CADPS2: variants seen among roughly 807,000 people sequenced by gnomAD.
CADPS2 encodes the protein calcium dependent secretion activator 2.
Under a neutral mutation model 172.5 loss-of-function variants are expected in CADPS2, and 93 were observed. The observed-to-expected ratio is 0.54, with a 90% CI of 0.46 to 0.64. The LOEUF (loss-of-function observed/expected upper bound fraction) is 0.64. Ranked by LOEUF, CADPS2 falls within the 30% of genes least tolerant of loss-of-function variation. CADPS2 has a pLI of 0.00. For synonymous variants in CADPS2, 546 were observed against 555.2 expected (o/e 0.98, Z 0.23); for missense variants, 1,420 against 1,565.9 (o/e 0.91, Z 1.57).
At chr7:122,375,506 T>C (rs554635455) in intron 25 of CADPS2, among the ~76,000 whole-genome samples, 1 of 152,200 alleles carries the variant, frequency 6.6e-6, no homozygotes, top group East Asian at 1.9e-4. Context: ...CAATAAATAG[T>C]GCTGGGAAAA....
At chr7:122,349,028 T>C (rs1053251656) in intron 27 of CADPS2, among the ~76,000 whole-genome samples, 2 of 152,150 alleles carry the variant, frequency 1.3e-5, no homozygotes, top group Non-Finnish European at 2.9e-5. Flanking sequence ...TTAAGTGTTA[T>C]AAGAATATGA....
At position 122,348,038 on chromosome 7, in the gene CADPS2, G is replaced by A. The variant is rs114192049; in HGVS notation, c.3505-2357C>T. On this transcript the variant is annotated intron_variant, in intron 27 of 29. Coordinates refer to ENST00000449022, the MANE Select transcript of CADPS2 (RefSeq NM_017954.11). ...TAATGTACAAAATACCAAGGTAGTT[G>A]GGTACAGCCCAGTTGAACTGGGAGT... Among the ~76,000 whole-genome samples, 326 of 152,272 alleles carry A rather than the reference G, an allele frequency of 2.1e-3. 1 individual carries two copies. The highest frequency in any genetic ancestry group is 7.5e-3 in the African/African-American group (310 of 41,558).
At chr7:122,541,803 A>G (rs1471594208) in intron 8 of CADPS2, among the ~76,000 whole-genome samples, 1 of 116,606 alleles carries the variant, frequency 8.6e-6, no homozygotes, top group South Asian at 2.5e-4. Flanking sequence ...ATATTCATAT[A>G]TATTTATATA....
intron 2 of CADPS2, among the ~76,000 whole-genome samples, chr7:122,696,253 G>A (rs2085069762): frequency 6.6e-6 from 1 of 152,108 alleles, no homozygotes; most frequent in Non-Finnish European, 1.5e-5. Flanking sequence ...CGTCCCTCAG[G>A]AAATGACTTT....
intron 9 of CADPS2, among the ~76,000 whole-genome samples, chr7:122,492,138 C>A (rs1425756113): frequency 6.6e-6 from 1 of 151,792 alleles, no homozygotes; most frequent in Non-Finnish European, 1.5e-5. Flanking sequence ...CGCCATTGCA[C>A]CCCAGCCTGG....
At chr7:122,645,305 G>A (rs534324722) in intron 3 of CADPS2, among the ~76,000 whole-genome samples, 7 of 130,426 alleles carry the variant, frequency 5.4e-5, no homozygotes, top group South Asian at 4.8e-4. Context: ...ATACACATAT[G>A]TACATGTGTG....
chr7:122,811,016 A>T (rs1257191252), intron 1 of CADPS2, among the ~76,000 whole-genome samples: 1 of 152,242 alleles, frequency 6.6e-6, no homozygotes, highest in Non-Finnish European at 1.5e-5. Context: ...ATATGAAAGC[A>T]AGATCCCTTT....
chr7:122,516,068 T>A (rs2060352064), intron 8 of CADPS2, among the ~76,000 whole-genome samples: 1 of 152,048 alleles, frequency 6.6e-6, no homozygotes. Context: ...TACATACATG[T>A]TGTATTAGGG....
At chr7:122,712,029 A>T (rs2088832439) in intron 2 of CADPS2, among the ~76,000 whole-genome samples, 1 of 151,938 alleles carries the variant, frequency 6.6e-6, no homozygotes, top group South Asian at 2.1e-4. Flanking sequence ...TTTAAATTTA[A>T]AAAAAAACAC....
At chr7:122,524,130 GT>G (rs2061022898) in intron 8 of CADPS2, among the ~76,000 whole-genome samples, 1 of 152,152 alleles carries the variant, frequency 6.6e-6, no homozygotes, top group Non-Finnish European at 1.5e-5. Context: ...AACGTAAATA[GT>G]TTAGCAAGAA....
At chr7:122,527,450 GAC>G (rs2061330957) in intron 8 of CADPS2, among the ~76,000 whole-genome samples, 1 of 150,182 alleles carries the variant, frequency 6.7e-6, no homozygotes, top group Non-Finnish European at 1.5e-5. Flanking sequence ...GTCTGATATT[GAC>G]AGTTGGAATC....
At chr7:122,591,685 C>T (rs1272167568) in intron 6 of CADPS2, among the ~76,000 whole-genome samples, 3 of 151,778 alleles carry the variant, frequency 2.0e-5, no homozygotes, top group Admixed American at 6.6e-5. Context: ...TAATACCACA[C>T]ATCTACAACC....
At chr7:122,630,092 G>A (rs929538145) in intron 3 of CADPS2, among the ~76,000 whole-genome samples, 4 of 152,140 alleles carry the variant, frequency 2.6e-5, no homozygotes, top group Non-Finnish European at 5.9e-5. Flanking sequence ...AAGTGAGGAT[G>A]TTAAGTGTTA....
chr7:122,629,718 G>A (rs747941006), intron 3 of CADPS2, among the ~76,000 whole-genome samples: 1 of 152,044 alleles, frequency 6.6e-6, no homozygotes, highest in South Asian at 2.1e-4. Flanking sequence ...AACTCCCTTT[G>A]CTTTAATAAT....
Position 122,663,528 on chromosome 7 carries a change from A to G in CADPS2, c.495T>C (p.Ser165=), listed in dbSNP as rs781264588. 6.2e-7 allele frequency: 1 copy of G among 1,600,548 alleles called. No individual in the cohort carries two copies. Among genetic ancestry groups the G allele is most frequent in the Non-Finnish European group, 8.5e-7 (1 of 1,172,414 alleles). The change falls in exon 3 of 30, where the codon AGT becomes AGC. Residue 165 remains serine (S), a synonymous_variant. Coordinates refer to ENST00000449022, the MANE Select transcript of CADPS2 (RefSeq NM_017954.11). The part of the protein sequence containing the change: ...KSDRVARMVQ[S]GGCSANDFRE... Reference sequence around the variant, plus strand: ...TGAAGTCATTAGCAGAACACCCTCCACTCTGTACCATTCTGGCCACTCGGT... The same window carrying G: ...TGAAGTCATTAGCAGAACACCCTCCGCTCTGTACCATTCTGGCCACTCGGT...
intron 2 of CADPS2, among the ~76,000 whole-genome samples, chr7:122,719,460 G>A (rs920969121): frequency 5.3e-5 from 8 of 152,146 alleles, no homozygotes; most frequent in African/African-American, 1.9e-4. Context: ...GCACTGGCAT[G>A]TGCAATGACG....
intron 1 of CADPS2, among the ~76,000 whole-genome samples, chr7:122,821,503 G>A (rs71574721): frequency 0.2 from 30,262 of 151,918 alleles, 3,152 homozygotes; most frequent in Middle Eastern, 0.29. Context: ...CCTGAGTCAG[G>A]TAACTAAAAT....
At chr7:122,468,012 C>T (rs1307219799) in intron 14 of CADPS2, among the ~76,000 whole-genome samples, 1 of 152,086 alleles carries the variant, frequency 6.6e-6, no homozygotes, top group Non-Finnish European at 1.5e-5. Flanking sequence ...TTCTGTTTAA[C>T]TCTATTCTTT....
chr7:122,711,800 G>A lies in CADPS2; in HGVS notation c.453+25155C>T, dbSNP rs1357273720. Among the ~76,000 whole-genome samples, 24 of 151,840 alleles carry A rather than the reference G, an allele frequency of 1.6e-4. 1 individual carries two copies. Among genetic ancestry groups the A allele is most frequent in the South Asian group, 2.1e-4 (1 of 4,806 alleles). The stretch of plus-strand genomic sequence containing the variant: ...CCTGAATAGCTGGGATTACAGGCAC[G>A]TGCCACCACACCCGGCTAATTTTTG... On this transcript the variant is annotated intron_variant, in intron 2 of 29. Transcript: ENST00000449022.
Sources: allele counts gnomAD v4.1 joint callset (sites outside exome capture counted in the v4.1 genomes callset), GRCh38; gene constraint gnomAD v4.1.1; transcripts MANE v1.5; gene names NCBI Gene and HGNC (gene_info 2026-07-23, HGNC 2026-07-21).